The following PAK4 variants were observed in gnomAD, a reference collection of about 807,000 sequenced individuals.
PAK4 encodes the protein p21 (RAC1) activated kinase 4.
A neutral mutation model predicts 53.5 loss-of-function variants in PAK4; 49 were observed. The observed-to-expected ratio is 0.92, with a 90% confidence interval of 0.73 to 1.16. The LOEUF (loss-of-function observed/expected upper bound fraction) is 1.16, where lower values mean the gene tolerates loss of function less well. PAK4 is among the 50% of genes most tolerant of loss of function. The probability of loss-of-function intolerance (pLI) is 0.00; values close to 1 mark genes in which losing one functional copy is unlikely to be tolerated. For missense variants in PAK4, 824 were observed against 850.7 expected, an observed-to-expected ratio of 0.97 and a Z score of 0.39; for synonymous variants, 376 against 375.6, an observed-to-expected ratio of 1.00 and a Z score of -0.01.
intron 1 of PAK4, among the ~76,000 whole-genome samples, chr19:39,131,013 CT>C (rs945792196): frequency 6.6e-6 from 1 of 151,960 alleles, no homozygotes; most frequent in African/African-American, 2.4e-5. Flanking sequence ...CGCTTTACCC[CT>C]GTTACCTCAC....
intron 2 of PAK4, 100 bp from the exon 4 acceptor site, chr19:39,172,818 C>T (rs1300127354): frequency 2.0e-6 from 2 of 997,624 alleles, no homozygotes; most frequent in Admixed American, 5.1e-5. Context: ...TCTGTCTTGT[C>T]TCTGTGTGTG....
At chr19:39,157,682 C>T (rs754703) in intron 1 of PAK4, among the ~76,000 whole-genome samples, 41,500 of 152,242 alleles carry the variant, frequency 0.27, 6,583 homozygotes, top group East Asian at 0.37. Flanking sequence ...GCACTGACCC[C>T]TGGCCACCAG....
intron 1 of PAK4, among the ~76,000 whole-genome samples, chr19:39,166,075 C>CT (rs1354220979): frequency 6.6e-6 from 1 of 152,240 alleles, no homozygotes; most frequent in African/African-American, 2.4e-5. Context: ...TGAGCACTTA[C>CT]TGTGTGTGTG....
exon 7 of PAK4, chr19:39,176,695 C>G (rs1277879268): frequency 6.2e-7 from 1 of 1,611,068 alleles, no homozygotes; most frequent in African/African-American, 1.3e-5. Flanking sequence ...GCTCATCTCC[C>G]GCCTTCCCTA....
chr19:39,159,718 G>A (rs2074252788), intron 1 of PAK4, among the ~76,000 whole-genome samples: 1 of 152,210 alleles, frequency 6.6e-6, no homozygotes, highest in Non-Finnish European at 1.5e-5. Context: ...AAGAGGAAGG[G>A]ATAACAAGGT....
In PAK4 at chr19:39,169,776, C is replaced by T. The variant is rs2074443273; in HGVS notation, c.204+19C>T. On this transcript the variant is annotated intron_variant, in intron 2 of 8. Coordinates refer to ENST00000358301, the Ensembl canonical transcript of PAK4. The stretch of plus-strand genomic sequence containing the variant: ...CCCCAAGGTATGTGGCACCCACCAC[C>T]ACCTCCCCCAGCCCACCCCAACCCC... 1 of 1,561,822 alleles carries T rather than the reference C, an allele frequency of 6.4e-7. No individual in the cohort carries two copies. The highest frequency in any genetic ancestry group is 2.3e-5 in the East Asian group (1 of 43,942).
chr19:39,164,208 C>T (rs2074330775), intron 1 of PAK4, among the ~76,000 whole-genome samples: 2 of 143,122 alleles, frequency 1.4e-5, no homozygotes, highest in Non-Finnish European at 3.0e-5. Flanking sequence ...ACCCACTAGG[C>T]GGAGGTTGCA....
At chr19:39,146,860 AGAGG>A (rs907018663) in intron 1 of PAK4, among the ~76,000 whole-genome samples, 10 of 147,056 alleles carry the variant, frequency 6.8e-5, no homozygotes, top group Non-Finnish European at 1.5e-4. Flanking sequence ...AGAAAGAGAG[AGAGG>A]GAGAAAGGGA....
rs1176506818 is a variant in PAK4 at position 39,178,352 on chromosome 19, C to T, written c.1621-72C>T. On this transcript the variant is annotated intron_variant, in intron 8 of 8. Transcript: ENST00000358301. This position sits in a 1 kb window ranked among gnomAD's most constrained non-coding sequence, Gnocchi z 4.4. ...ATGCCGCCAGCCGACTTGGCAGAGG[C>T]GGACACTGCAGCCCTACAGCAAATG... 7 of 1,503,324 alleles carry T rather than the reference C, an allele frequency of 4.7e-6. No homozygotes were observed. Among genetic ancestry groups the T allele is most frequent in the Admixed American group, 2.0e-5 (1 of 50,146 alleles). 93.1% of individuals were successfully genotyped at this position (1,503,324 alleles called of 1,614,324 possible).
chr19:39,160,636 G>A (rs375271981), intron 1 of PAK4, among the ~76,000 whole-genome samples: 65 of 152,322 alleles, frequency 4.3e-4, no homozygotes, highest in African/African-American at 1.4e-3. Context: ...AGACATACAC[G>A]GAGGCAGCCA....
At chr19:39,130,988 A>C (rs959928161) in intron 1 of PAK4, among the ~76,000 whole-genome samples, 2 of 151,976 alleles carry the variant, frequency 1.3e-5, no homozygotes, top group African/African-American at 4.8e-5. Context: ...TCCTCGTGCC[A>C]GCTGAGGTCA....
At chr19:39,171,905 G>A (rs775997582) in intron 2 of PAK4, among the ~76,000 whole-genome samples, 18 of 152,246 alleles carry the variant, frequency 1.2e-4, no homozygotes, top group Non-Finnish European at 2.2e-4. Flanking sequence ...TGGTCTAGGT[G>A]CTGAGATGGA....
intron 1 of PAK4, among the ~76,000 whole-genome samples, chr19:39,143,324 C>T (rs1247485499): frequency 6.8e-6 from 1 of 147,938 alleles, no homozygotes; most frequent in African/African-American, 2.5e-5. Flanking sequence ...GGTGTGGTGG[C>T]TCACGCCTGT....
rs1320438684 is a variant in PAK4, at chr19:39,161,842, C to T, written c.-22-7690C>T. On this transcript the variant is annotated intron_variant, in intron 1 of 8. Coordinates refer to ENST00000358301, the Ensembl canonical transcript of PAK4. This position sits in a 1 kb window ranked among gnomAD's most constrained non-coding sequence, Gnocchi z 4.5. The stretch of plus-strand genomic sequence containing the variant: ...CTACCGCCCTGGCTGTTCCTTCCTC[C>T]TGGGCTGCCCTTCCTCCAGAGCCCT... Among the ~76,000 whole-genome samples, 1 of 152,128 alleles carries T rather than the reference C, an allele frequency of 6.6e-6. No individual in the cohort carries two copies. The highest frequency in any genetic ancestry group is 1.5e-5 in the Non-Finnish European group (1 of 68,024).
intron 1 of PAK4, among the ~76,000 whole-genome samples, chr19:39,164,844 C>T (rs187101730): frequency 7.2e-5 from 11 of 152,226 alleles, no homozygotes; most frequent in Admixed American, 4.6e-4. Context: ...TCAGCGTCAG[C>T]GTCTGCTCTG....
intron 1 of PAK4, among the ~76,000 whole-genome samples, chr19:39,141,393 G>A (rs1420290523): frequency 6.6e-6 from 1 of 150,926 alleles, no homozygotes; most frequent in Non-Finnish European, 1.5e-5. Flanking sequence ...TTGGCTCACT[G>A]CAACCTCCGC....
intron 1 of PAK4, among the ~76,000 whole-genome samples, chr19:39,139,765 G>A (rs548174335): frequency 6.6e-6 from 1 of 152,340 alleles, no homozygotes; most frequent in South Asian, 2.1e-4. Context: ...AGGCACTGCA[G>A]GGGCCCAAGC....
At chr19:39,170,940 C>T (rs1183617847) in intron 2 of PAK4, among the ~76,000 whole-genome samples, 3 of 152,246 alleles carry the variant, frequency 2.0e-5, no homozygotes, top group African/African-American at 7.2e-5. Context: ...CCACAGGCCG[C>T]ACCCGACCCA....
rs1276190087 is a variant in PAK4, at chr19:39,173,205, G to A, written c.492G>A (p.Arg164=). 1 of 1,552,764 alleles carries A rather than the reference G, an allele frequency of 6.4e-7. No individual in the cohort carries two copies. The highest frequency in any genetic ancestry group is 1.4e-5 in the African/African-American group (1 of 73,348). The change falls in exon 3 of 9, where the codon AGG becomes AGA. Residue 164 remains arginine (R), a synonymous_variant. Coordinates refer to ENST00000358301, the Ensembl canonical transcript of PAK4. The surrounding 1 kb of genome is among the most constrained non-coding windows in gnomAD (Gnocchi z 6.9). Reference sequence around the variant, plus strand: ...CAGAGAAGAGGCCCAAGTCTTCCAGGGAGGGCTCAGGGGGTCCCCAGGAGT... The same window carrying A: ...CAGAGAAGAGGCCCAAGTCTTCCAGAGAGGGCTCAGGGGGTCCCCAGGAGT...
Sources: gnomAD v4.1 joint callset for allele counts (sites outside exome capture counted in the v4.1 genomes callset) on GRCh38, gnomAD v4.1.1 for gene constraint, Gnocchi (gnomAD v3.1) non-coding constraint, MANE v1.5 for transcripts, NCBI Gene and HGNC (gene_info 2026-07-23, HGNC 2026-07-21) for gene names.